GSK3B: variants seen among roughly 807,000 people sequenced by gnomAD.
GSK3B encodes glycogen synthase kinase-3 beta.
GSK3B carries 15 observed loss-of-function variants against 56.4 expected under a neutral mutation model. The observed-to-expected ratio is 0.27, with a 90% CI of 0.18 to 0.41. The LOEUF (loss-of-function observed/expected upper bound fraction) is 0.41. Ranked by LOEUF, GSK3B falls within the 10% of genes least tolerant of loss-of-function variation. The pLI is 1.00. For synonymous variants in GSK3B, 181 were observed against 188.9 expected, an observed-to-expected ratio of 0.96 and a Z score of 0.34; for missense variants, 300 against 513.4, an observed-to-expected ratio of 0.58 and a Z score of 4.02.
At chr3:119,857,364 C>G (rs1290389071) in intron 9 of GSK3B, among the ~76,000 whole-genome samples, 2 of 152,204 alleles carry the variant, frequency 1.3e-5, no homozygotes, top group African/African-American at 4.8e-5. Flanking sequence ...AACCCTGTCA[C>G]CGCTTTCAAC....
chr3:120,025,734 T>C (rs1258712134), intron 1 of GSK3B, among the ~76,000 whole-genome samples: 1 of 152,100 alleles, frequency 6.6e-6, no homozygotes, highest in Non-Finnish European at 1.5e-5. Flanking sequence ...AGAAAAAAAT[T>C]AGTCACCTAA....
At chr3:120,002,283 A>T in intron 1 of GSK3B, 44 bp from the exon 2 acceptor site, 1 of 1,177,694 alleles carries the variant, frequency 8.5e-7, no homozygotes, top group Non-Finnish European at 1.2e-6. Flanking sequence ...AACTGTAAGG[A>T]ATTAAATAGA....
At chr3:119,864,765 T>C (rs970485102) in intron 8 of GSK3B, among the ~76,000 whole-genome samples, 1 of 152,250 alleles carries the variant, frequency 6.6e-6, no homozygotes, top group African/African-American at 2.4e-5. Flanking sequence ...CTCATTAGAC[T>C]TTCCAGAGAT....
intron 2 of GSK3B, among the ~76,000 whole-genome samples, chr3:119,984,249 A>G (rs944540137): frequency 1.3e-5 from 2 of 152,342 alleles, no homozygotes; most frequent in Admixed American, 6.5e-5. Flanking sequence ...CCACAAGATA[A>G]AGCAGCAAAG....
intron 3 of GSK3B, among the ~76,000 whole-genome samples, chr3:119,946,487 G>C (rs2057101125): frequency 6.6e-6 from 1 of 152,134 alleles, no homozygotes; most frequent in African/African-American, 2.4e-5. Context: ...AATACCAACT[G>C]AAGTTATCCA....
At chr3:119,834,609 G>A (rs976056075) in intron 10 of GSK3B, among the ~76,000 whole-genome samples, 7 of 152,126 alleles carry the variant, frequency 4.6e-5, no homozygotes, top group African/African-American at 1.7e-4. Context: ...GAAAACTGAA[G>A]GTCATGGGGA....
intron 7 of GSK3B, among the ~76,000 whole-genome samples, chr3:119,886,522 T>C (rs1291362608): frequency 3.3e-5 from 5 of 152,090 alleles, no homozygotes; most frequent in African/African-American, 1.2e-4. Context: ...ATGCCATTAC[T>C]GGGTATATAT....
At chr3:119,965,364 A>AT (rs1187887031) in intron 2 of GSK3B, among the ~76,000 whole-genome samples, 189 of 139,202 alleles carry the variant, frequency 1.4e-3, no homozygotes, top group African/African-American at 2.6e-3. Flanking sequence ...GTGCCCAGCC[A>AT]TTTTTTTTTT....
intron 9 of GSK3B, among the ~76,000 whole-genome samples, chr3:119,843,761 TC>T: frequency 6.6e-6 from 1 of 152,180 alleles, no homozygotes; most frequent in Middle Eastern, 3.4e-3. Flanking sequence ...ATTACACAGA[TC>T]AACGAAACAG....
intron 2 of GSK3B, among the ~76,000 whole-genome samples, chr3:119,979,901 T>C (rs1480481467): frequency 6.6e-6 from 1 of 152,180 alleles, no homozygotes; most frequent in Non-Finnish European, 1.5e-5. Context: ...GCTATACCTG[T>C]TTATTAGACC....
chr3:119,912,884 C>T, intron 5 of GSK3B, 74 bp from the exon 6 acceptor site: 1 of 613,118 alleles, frequency 1.6e-6, no homozygotes, highest in Non-Finnish European at 2.9e-6. Flanking sequence ...GACTGCTATC[C>T]TTTCACAGTA....
intron 6 of GSK3B, among the ~76,000 whole-genome samples, chr3:119,906,237 A>G (rs1386556076): frequency 6.6e-6 from 1 of 152,144 alleles, no homozygotes; most frequent in Non-Finnish European, 1.5e-5. Context: ...ACAGAGGAGC[A>G]GCAAGGAAAG....
chr3:119,935,152 C>T (rs368388908), intron 3 of GSK3B, among the ~76,000 whole-genome samples: 1 of 152,048 alleles, frequency 6.6e-6, no homozygotes, highest in Admixed American at 6.6e-5. Context: ...GGTCATACTC[C>T]ATTGAAAATG....
chr3:120,036,962 A>G (rs937931556), intron 1 of GSK3B, among the ~76,000 whole-genome samples: 9 of 152,218 alleles, frequency 5.9e-5, no homozygotes, highest in Non-Finnish European at 1.0e-4. Context: ...ACACCTGTTA[A>G]AAAACAAAAC....
At chr3:119,839,060 TTTG>T (rs1225719366) in intron 10 of GSK3B, among the ~76,000 whole-genome samples, 1 of 152,208 alleles carries the variant, frequency 6.6e-6, no homozygotes, top group Non-Finnish European at 1.5e-5. Flanking sequence ...ATTGTGATAT[TTTG>T]TTGTACTAGT....
chr3:120,073,840 C>A (rs9816864), intron 1 of GSK3B, among the ~76,000 whole-genome samples: 2,752 of 152,112 alleles, frequency 0.018, 89 homozygotes, highest in African/African-American at 0.063. Flanking sequence ...AAGATACAAA[C>A]AAGTTGCTTA....
chr3:120,003,840 C>T (rs1175384773), intron 1 of GSK3B, among the ~76,000 whole-genome samples: 1 of 152,222 alleles, frequency 6.6e-6, no homozygotes, highest in East Asian at 1.9e-4. Flanking sequence ...TTGCAGAACA[C>T]AGGTGATTTC....
intron 3 of GSK3B, among the ~76,000 whole-genome samples, chr3:119,929,917 A>T (rs12106691): frequency 0.66 from 88,161 of 133,368 alleles, 30,183 homozygotes; most frequent in African/African-American, 0.8. Flanking sequence ...AAAAAAAAAA[A>T]AATAATAATA....
intron 6 of GSK3B, among the ~76,000 whole-genome samples, chr3:119,906,771 T>C (rs532352044): frequency 1.1e-3 from 170 of 152,198 alleles, no homozygotes; most frequent in African/African-American, 3.9e-3. Flanking sequence ...ATATGAATCA[T>C]TGCTGGACTT....
Sources: allele counts gnomAD v4.1 joint callset (sites outside exome capture counted in the v4.1 genomes callset), GRCh38; gene constraint gnomAD v4.1.1; transcripts MANE v1.5; gene names NCBI Gene and HGNC (gene_info 2026-07-23, HGNC 2026-07-21).